The following FRMPD2 variants were observed in gnomAD, a reference collection of about 807,000 sequenced individuals.
FRMPD2 encodes the protein FERM and PDZ domain containing 2, also known as FERM and PDZ domain-containing protein 2.
A neutral mutation model predicts 140.1 loss-of-function variants in FRMPD2; 96 were observed. The observed-to-expected ratio is 0.69, with a 90% CI of 0.58 to 0.81. The LOEUF is 0.81. Ranked by LOEUF, FRMPD2 falls within the 40% of genes least tolerant of loss-of-function variation. The pLI is 0.00. For missense variants in FRMPD2, 1,240 were observed against 1,447.4 expected, an observed-to-expected ratio of 0.86 and a Z score of 2.32; for synonymous variants, 449 against 547.6, an observed-to-expected ratio of 0.82 and a Z score of 2.52.
chr10:48,258,007 C>T (rs758198484), intron 1 of FRMPD2, among the ~76,000 whole-genome samples: 3 of 152,180 alleles, frequency 2.0e-5, no homozygotes, highest in Admixed American at 6.5e-5. Flanking sequence ...TAGCAAAATG[C>T]CTCAAATATC....
In FRMPD2 at chr10:48,180,894, TC is replaced by T. The variant is rs1838526747; in HGVS notation, c.2698del (p.Asp900ThrfsTer9). ...YQGSLLSHTQ[D>X]QDRNTEELDM... is the part of the protein sequence containing the mutation. ...TAGTTCTTCAGTATTTCTGTCCTGG[TC>T]TTGTGTGTGTGACAACAAACTTCCC... On this transcript the variant is annotated frameshift_variant, in exon 21 of 29. Coordinates refer to ENST00000374201, the MANE Select transcript of FRMPD2 (RefSeq NM_001018071.4). LOFTEE classifies it high-confidence loss of function. The T allele has an allele frequency of 1.2e-6, 1 of 848,996 alleles. No individual in the cohort carries two copies. The highest frequency in any genetic ancestry group is 1.8e-5 in the Admixed American group (1 of 57,030). The allele number at this position is 848,996 out of a possible 1,614,324, so 52.6% of individuals were successfully genotyped here. A position where few individuals can be genotyped will look rare whatever the true frequency, so the allele number is the denominator to read the frequency against.
Position 48,239,702 on chromosome 10 carries a change from C to T in FRMPD2, c.701-10G>A. 5 of 1,610,056 alleles carry T rather than the reference C, an allele frequency of 3.1e-6. No individual in the cohort carries two copies. The highest frequency in any genetic ancestry group is 4.2e-6 in the Non-Finnish European group (5 of 1,176,666). On this transcript the variant is annotated splice_polypyrimidine_tract_variant and intron_variant, in intron 6 of 28. Transcript: ENST00000374201. ...GTGCTTCTTTCTGAAACTAATCAAG[C>T]AGCATGGTAGAGGGTATGGGCAGAA...
At position 48,235,589 on chromosome 10, in the gene FRMPD2, G is replaced by A. The variant is rs1179723880; in HGVS notation, c.993+893C>T. On this transcript the variant is annotated intron_variant, in intron 9 of 28. Coordinates refer to ENST00000374201, the MANE Select transcript of FRMPD2 (RefSeq NM_001018071.4). ...GGAGGGCGATGCAGGAGCCTGGGAG[G>A]GGAGAGCCTCTAGCCATGCCCCACT... is the stretch of plus-strand genomic sequence containing the variant. Among the ~76,000 whole-genome samples the A allele has an allele frequency of 1.4e-4, 22 of 152,170 alleles. 1 individual carries two copies. Among genetic ancestry groups the A allele is most frequent in the Admixed American group, 1.4e-3 (22 of 15,286 alleles).
chr10:48,196,255 T>C (rs948754096), intron 15 of FRMPD2, among the ~76,000 whole-genome samples: 4 of 152,100 alleles, frequency 2.6e-5, no homozygotes, highest in Non-Finnish European at 5.9e-5. Context: ...GGGAAGTGTC[T>C]GGCATGCCAT....
At chr10:48,243,871 G>A (rs1840183193) in intron 4 of FRMPD2, among the ~76,000 whole-genome samples, 1 of 152,196 alleles carries the variant, frequency 6.6e-6, no homozygotes, top group Non-Finnish European at 1.5e-5. Flanking sequence ...TCTCCAGCAG[G>A]TGTTCTTGTG....
intron 4 of FRMPD2, among the ~76,000 whole-genome samples, chr10:48,242,817 A>G (rs956412698): frequency 1.3e-5 from 2 of 152,204 alleles, no homozygotes; most frequent in African/African-American, 4.8e-5. Context: ...ATTCCTGTTC[A>G]CTTCGGAACA....
rs141705446 is a variant in FRMPD2 at position 48,178,789 on chromosome 10, T to C, written c.2791-638A>G. 6.1e-3 allele frequency: 928 copies of C among 153,082 alleles called. 4 individuals carry two copies. Among genetic ancestry groups the C allele is most frequent in the African/African-American group, 0.021 (852 of 41,558 alleles). 9.5% of individuals were successfully genotyped at this position (153,082 alleles called of 1,614,324 possible). On this transcript the variant is annotated intron_variant, in intron 21 of 28. Transcript: ENST00000374201. ...AGAAGCCCCAGCGTGAAGGCCTCTC[T>C]GCTCTGCTTCCTGCCAGAGAGGACC...
chr10:48,238,721 T>A (rs1840026912), intron 7 of FRMPD2, among the ~76,000 whole-genome samples: 2 of 152,136 alleles, frequency 1.3e-5, no homozygotes, highest in Admixed American at 6.5e-5. Flanking sequence ...CCGTTCCAGG[T>A]CCAGGAAGAT....
chr10:48,221,596 A>C (rs1033424010), intron 12 of FRMPD2, among the ~76,000 whole-genome samples: 1 of 152,202 alleles, frequency 6.6e-6, no homozygotes, highest in African/African-American at 2.4e-5. Flanking sequence ...AAAATGAATA[A>C]ATTAATATAA....
chr10:48,167,870 G>A (rs1474233771), intron 27 of FRMPD2, among the ~76,000 whole-genome samples: 6 of 150,172 alleles, frequency 4.0e-5, no homozygotes, highest in African/African-American at 1.5e-4. Flanking sequence ...CCCTTAAGAG[G>A]AAAGACTGAC....
At chr10:48,227,428 T>G (rs542148008) in intron 10 of FRMPD2, among the ~76,000 whole-genome samples, 53 of 152,316 alleles carry the variant, frequency 3.5e-4, no homozygotes, top group African/African-American at 1.2e-3. Context: ...GTCTGAAACA[T>G]GAAGCATCTC....
At chr10:48,243,785 G>A (rs1292234443) in intron 4 of FRMPD2, among the ~76,000 whole-genome samples, 1 of 152,100 alleles carries the variant, frequency 6.6e-6, no homozygotes, top group Admixed American at 6.6e-5. Context: ...AGAGGGTCGG[G>A]GTGAGTAGAA....
chr10:48,250,464 G>C (rs571826741), intron 2 of FRMPD2, among the ~76,000 whole-genome samples: 1 of 151,890 alleles, frequency 6.6e-6, no homozygotes, highest in African/African-American at 2.4e-5. Context: ...GCAATAGCGC[G>C]ATCTCAGCTC....
At chr10:48,178,239 T>C in intron 21 of FRMPD2, 88 bp from the exon 22 acceptor site, 1 of 934,442 alleles carries the variant, frequency 1.1e-6, no homozygotes, top group East Asian at 2.6e-5. Context: ...CAGGCAGCAT[T>C]GCACCTCAGA....
intron 12 of FRMPD2, among the ~76,000 whole-genome samples, chr10:48,216,290 G>GGATGGATAGATA (rs141322515): frequency 7.4e-5 from 11 of 149,556 alleles, no homozygotes; most frequent in African/African-American, 2.7e-4. Flanking sequence ...CATAGATGAT[G>GGATGGATAGATA]GATAGATAGA....
At chr10:48,221,389 G>A (rs569286371) in intron 12 of FRMPD2, among the ~76,000 whole-genome samples, 15 of 152,316 alleles carry the variant, frequency 9.8e-5, no homozygotes, top group African/African-American at 3.6e-4. Flanking sequence ...TAAGCTATGA[G>A]AATGCGAAAA....
At position 48,232,198 on chromosome 10, in the gene FRMPD2, G is replaced by A. The variant is rs754783102; in HGVS notation, c.1085C>T (p.Ser362Leu). 2 of 1,614,032 alleles carry A rather than the reference G, an allele frequency of 1.2e-6. No homozygotes were observed. Among genetic ancestry groups the A allele is most frequent in the African/African-American group, 2.7e-5 (2 of 74,908 alleles). ...GGCATTGAAGACAGCTCCCACTGTT[G>A]ATTCAACATCACATTTTACCTCCAG... Reference protein sequence around the residue: ...QHLEVKCDVESTVGAVFNAVT... With the variant: ...QHLEVKCDVELTVGAVFNAVT... The change falls in exon 10 of 29, where the codon TCA (serine) becomes TTA (leucine). Residue 362 changes from serine (S) to leucine (L), a missense_variant. Around this residue, in one of 6 missense-constraint regions of FRMPD2, gnomAD observed 1,161 missense variants for 1,055.9 expected, o/e 1.10. Transcript: ENST00000374201.
intron 5 of FRMPD2, among the ~76,000 whole-genome samples, chr10:48,241,226 G>A (rs924535245): frequency 5.3e-5 from 8 of 152,096 alleles, no homozygotes; most frequent in East Asian, 1.9e-4. Context: ...GACTGTTGCC[G>A]CTGTCCACCC....
intron 10 of FRMPD2, among the ~76,000 whole-genome samples, chr10:48,229,106 C>T (rs1019930554): frequency 7.2e-5 from 11 of 152,040 alleles, no homozygotes; most frequent in African/African-American, 2.7e-4. Context: ...GTATTAGCCT[C>T]TACTGTTAAT....
Sources: gnomAD v4.1 joint callset for allele counts (sites outside exome capture counted in the v4.1 genomes callset) on GRCh38, gnomAD v4.1.1 for gene constraint, gnomAD v4.1.1 regional missense constraint, MANE v1.5 for transcripts, NCBI Gene and HGNC (gene_info 2026-07-23, HGNC 2026-07-21) for gene names.